LRRTM4: variants seen among roughly 807,000 people sequenced by gnomAD.
LRRTM4 encodes leucine rich repeat transmembrane neuronal 4.
A neutral mutation model predicts 47.6 loss-of-function variants in LRRTM4; 25 were observed. That is an observed-to-expected ratio of 0.53 (90% confidence interval 0.38 to 0.73). The LOEUF is 0.73. LRRTM4 is among the 30% of genes least tolerant of loss of function. LRRTM4 has a pLI of 0.00. For synonymous variants in LRRTM4, 311 were observed against 269.5 expected, an observed-to-expected ratio of 1.15 and a Z score of -1.51; for missense variants, 638 against 713.4, an observed-to-expected ratio of 0.89 and a Z score of 1.20.
chr2:77,062,673 C>CTG (rs1205003864), intron 3 of LRRTM4, among the ~76,000 whole-genome samples: 3 of 152,020 alleles, frequency 2.0e-5, no homozygotes, highest in Non-Finnish European at 4.4e-5. Context: ...TTTTTTCTCT[C>CTG]TGTCTCTGTC....
chr2:76,953,775 T>G (rs1021855079), intron 3 of LRRTM4, among the ~76,000 whole-genome samples: 8 of 151,944 alleles, frequency 5.3e-5, no homozygotes, highest in African/African-American at 1.9e-4. Flanking sequence ...GCATCTGATA[T>G]TCAGCTTTTC....
chr2:76,760,437 T>TA (rs1163829235), intron 3 of LRRTM4, among the ~76,000 whole-genome samples: 1 of 152,164 alleles, frequency 6.6e-6, no homozygotes, highest in Non-Finnish European at 1.5e-5. Context: ...AGGAGATGAC[T>TA]ATCAGGTGGT....
chr2:77,285,435 A>C (rs1676628658), intron 3 of LRRTM4, among the ~76,000 whole-genome samples: 1 of 149,022 alleles, frequency 6.7e-6, no homozygotes, highest in Non-Finnish European at 1.5e-5. Context: ...TCCCATAACA[A>C]AGAGAAATAC....
intron 3 of LRRTM4, among the ~76,000 whole-genome samples, chr2:76,780,793 T>C (rs951261272): frequency 1.6e-4 from 24 of 152,064 alleles, no homozygotes; most frequent in Middle Eastern, 3.2e-3. Flanking sequence ...TTTGTTCCGT[T>C]GCTGGTGAGG....
At chr2:76,836,541 G>C (rs1671519170) in intron 3 of LRRTM4, among the ~76,000 whole-genome samples, 1 of 151,308 alleles carries the variant, frequency 6.6e-6, no homozygotes, top group Non-Finnish European at 1.5e-5. Flanking sequence ...TAGTTGTAAA[G>C]GCAGTAATAA....
chr2:77,314,266 A>G (rs1408848554), intron 3 of LRRTM4, among the ~76,000 whole-genome samples: 1 of 152,184 alleles, frequency 6.6e-6, no homozygotes, highest in Non-Finnish European at 1.5e-5. Context: ...GGTTTGTTTT[A>G]TATAATTTTG....
intron 3 of LRRTM4, among the ~76,000 whole-genome samples, chr2:76,916,668 T>C (rs149400193): frequency 6.6e-6 from 1 of 152,166 alleles, no homozygotes; most frequent in Non-Finnish European, 1.5e-5. Flanking sequence ...CCAATGCAAG[T>C]TAAAAGTGAC....
chr2:76,988,473 C>T (rs1676884205), intron 3 of LRRTM4, among the ~76,000 whole-genome samples: 1 of 151,746 alleles, frequency 6.6e-6, no homozygotes. Flanking sequence ...ATGTTCCAGT[C>T]TACACAAGAG....
chr2:76,841,762 A>G (rs572042459), intron 3 of LRRTM4, among the ~76,000 whole-genome samples: 1 of 152,146 alleles, frequency 6.6e-6, no homozygotes, highest in Non-Finnish European at 1.5e-5. Flanking sequence ...GTATATAAAA[A>G]TGAAAGAAGG....
intron 3 of LRRTM4, among the ~76,000 whole-genome samples, chr2:77,164,062 C>T (rs1253145059): frequency 1.3e-5 from 2 of 152,074 alleles, no homozygotes; most frequent in Non-Finnish European, 2.9e-5. Flanking sequence ...ATTCAGGAGA[C>T]CCATCTCACA....
chr2:77,082,985 T>C (rs1572939367), intron 3 of LRRTM4, among the ~76,000 whole-genome samples: 1 of 152,272 alleles, frequency 6.6e-6, no homozygotes, highest in East Asian at 1.9e-4. Flanking sequence ...TACTCAATAA[T>C]TTGATATTTT....
At chr2:77,117,673 ATTTAATTTTTTTAAGG>A (rs1671423839) in intron 3 of LRRTM4, among the ~76,000 whole-genome samples, 1 of 151,948 alleles carries the variant, frequency 6.6e-6, no homozygotes, top group African/African-American at 2.4e-5. Flanking sequence ...AAATCAGCTG[ATTTAATTTTTTTAAGG>A]TTTAATTATA....
chr2:76,816,887 T>C lies in LRRTM4; in HGVS notation c.1552-67971A>G, dbSNP rs11887641. Among the ~76,000 whole-genome samples the C allele has an allele frequency of 3.4e-3, 486 of 141,266 alleles. 4 individuals carry two copies. The highest frequency in any genetic ancestry group is 0.012 in the African/African-American group (470 of 38,450). The allele number at this position is 141,266 out of a possible 152,430, so 92.7% of individuals were successfully genotyped here. A position where few individuals can be genotyped will look rare whatever the true frequency, so the allele number is the denominator to read the frequency against. On this transcript the variant is annotated intron_variant, in intron 3 of 3. Transcript: ENST00000409884. ...TGGTGCTTAAGAACATGCTTTCTCA[T>C]ATAAAAGCCAAATAAGAAAAATAAA...
rs191041817 is a variant in LRRTM4 at position 76,819,065 on chromosome 2, G to A, written c.1552-70149C>T. On this transcript the variant is annotated intron_variant, in intron 3 of 3. Transcript: ENST00000409884. ...AGAATATTGCAGCAAGTAATATTCC[G>A]TGTCTAAAACTCCATATTACTTTCC... 7.9e-5 allele frequency among the ~76,000 whole-genome samples: 12 copies of A among 151,754 alleles called. No individual in the cohort carries two copies. The East Asian group carries it at 9.7e-4, about 12-fold the overall frequency.
At chr2:76,911,916 A>G (rs1674071783) in intron 3 of LRRTM4, among the ~76,000 whole-genome samples, 2 of 115,176 alleles carry the variant, frequency 1.7e-5, no homozygotes, top group African/African-American at 3.5e-5. Context: ...ACAAAGAGTG[A>G]GTTGTGGTAT....
At chr2:77,502,823 A>G (rs1014273378) in intron 3 of LRRTM4, among the ~76,000 whole-genome samples, 8 of 151,640 alleles carry the variant, frequency 5.3e-5, no homozygotes, top group African/African-American at 1.9e-4. Flanking sequence ...GGATTTCTGC[A>G]ACGGCTTCCT....
At chr2:76,768,025 A>T (rs570906177) in intron 3 of LRRTM4, among the ~76,000 whole-genome samples, 4 of 152,344 alleles carry the variant, frequency 2.6e-5, no homozygotes, top group African/African-American at 9.6e-5. Flanking sequence ...CAATTTCATA[A>T]GAAATTTGTG....
chr2:77,226,490 T>C (rs1422386906), intron 3 of LRRTM4, among the ~76,000 whole-genome samples: 1 of 150,966 alleles, frequency 6.6e-6, no homozygotes, highest in East Asian at 1.9e-4. Context: ...TTGTTTTCTG[T>C]CTCTCATTAT....
intron 3 of LRRTM4, among the ~76,000 whole-genome samples, chr2:76,781,434 G>A (rs1674384687): frequency 6.6e-6 from 1 of 152,254 alleles, no homozygotes; most frequent in Non-Finnish European, 1.5e-5. Context: ...CTCCGAGCCA[G>A]GTGTGGCATA....
Sources: gnomAD v4.1 joint callset for allele counts (sites outside exome capture counted in the v4.1 genomes callset) on GRCh38, gnomAD v4.1.1 for gene constraint, MANE v1.5 for transcripts, NCBI Gene and HGNC (gene_info 2026-07-23, HGNC 2026-07-21) for gene names.